Variants in GALNT16 observed in about 807,000 individuals in gnomAD.
GALNT16 encodes UDP-GalNAc:polypeptide N-acetylgalactosaminyltransferase-like protein 1.
In GALNT16, 40 loss-of-function variants were observed where a neutral mutation model predicts 76.1. The ratio of observed to expected loss-of-function variants is 0.53; its 90% CI spans 0.41 to 0.68. The LOEUF (loss-of-function observed/expected upper bound fraction) is 0.68. Ranked by LOEUF, GALNT16 falls within the 30% of genes least tolerant of loss-of-function variation. The probability of loss-of-function intolerance (pLI) is 0.00; values close to 1 mark genes in which losing one functional copy is unlikely to be tolerated. For missense variants in GALNT16, 621 were observed against 731.9 expected (o/e 0.85, Z 1.75); for synonymous variants, 276 against 285.2 (o/e 0.97, Z 0.32).
the GALNT16 span, among the ~76,000 whole-genome samples, chr14:69,372,011 G>A: frequency 6.6e-6 from 1 of 152,108 alleles, no homozygotes; most frequent in African/African-American, 2.4e-5. Flanking sequence ...CTTACCCGAG[G>A]ATTAAGTTAA....
At chr14:69,382,027 G>A in the GALNT16 span, among the ~76,000 whole-genome samples, 1 of 152,210 alleles carries the variant, frequency 6.6e-6, no homozygotes, top group Non-Finnish European at 1.5e-5. Context: ...GCTTTAAAAA[G>A]TGAAGCAAGT....
chr14:69,348,675 T>C (rs1279620422), intron 14 of GALNT16: 1 of 152,574 alleles, frequency 6.6e-6, no homozygotes, highest in Non-Finnish European at 1.5e-5. Context: ...TCACCCACAC[T>C]GTCACCACTA....
chr14:69,362,664 G>A, the GALNT16 span, among the ~76,000 whole-genome samples: 1 of 152,330 alleles, frequency 6.6e-6, no homozygotes, highest in African/African-American at 2.4e-5. Flanking sequence ...TGATGTGGGA[G>A]CAGATCAAAT....
Position 69,333,020 on chromosome 14 carries a change from G to C in GALNT16, c.779-65G>C. 1 of 1,126,024 alleles carries C rather than the reference G, an allele frequency of 8.9e-7. No homozygotes were observed. Among genetic ancestry groups the C allele is most frequent in the Non-Finnish European group, 1.4e-6 (1 of 734,396 alleles). The allele number at this position is 1,126,024 out of a possible 1,614,324, so 69.8% of individuals were successfully genotyped here. A position where few individuals can be genotyped will look rare whatever the true frequency, so the allele number is the denominator to read the frequency against. ...AGGGGAGACTCCGAGGGGTGGTGGA[G>C]TGAAGGGTCTCAGCAGCCCGCAGCT... On this transcript the variant is annotated intron_variant, in intron 7 of 14. Coordinates refer to ENST00000448469, the MANE Select transcript of GALNT16 (RefSeq NM_001168368.2). The surrounding 1 kb of genome is among the most constrained non-coding windows in gnomAD (Gnocchi z 4.2).
intron 1 of GALNT16, among the ~76,000 whole-genome samples, chr14:69,286,809 C>T (rs1171707978): frequency 6.6e-6 from 1 of 152,112 alleles, no homozygotes; most frequent in African/African-American, 2.4e-5. Flanking sequence ...CAGTGGGATC[C>T]AGATGGGTGT....
chr14:69,322,323 C>A (rs1043171762), intron 2 of GALNT16, among the ~76,000 whole-genome samples: 10 of 152,236 alleles, frequency 6.6e-5, no homozygotes, highest in African/African-American at 2.2e-4. Flanking sequence ...CCACATAGCT[C>A]CACTTAGAGA....
Position 69,352,012 on chromosome 14 carries a change from C to G in GALNT16, c.1540-19C>G, listed in dbSNP as rs180910176. On this transcript the variant is annotated intron_variant, in intron 14 of 14. Coordinates refer to ENST00000448469, the MANE Select transcript of GALNT16 (RefSeq NM_001168368.2). ...ATTGTTTTCTCCTTCCTCTTCTAAC[C>G]CATCTCTGTTCCTCCTAGAAATGGA... is the stretch of plus-strand genomic sequence containing the variant. 3.7e-4 allele frequency: 594 copies of G among 1,600,600 alleles called. 1 individual carries two copies. In the African/African-American group the frequency reaches 7.2e-3, roughly 19 times the overall value.
At chr14:69,304,838 C>T (rs535703488) in intron 1 of GALNT16, among the ~76,000 whole-genome samples, 3 of 152,296 alleles carry the variant, frequency 2.0e-5, no homozygotes, top group Admixed American at 6.5e-5. Flanking sequence ...TCATTGTATG[C>T]ATCTACCACA....
chr14:69,267,897 C>G (rs567781520), intron 1 of GALNT16, among the ~76,000 whole-genome samples: 5 of 152,074 alleles, frequency 3.3e-5, no homozygotes, highest in Admixed American at 1.3e-4. Context: ...AGTGAGGTGG[C>G]CTTCAGCCAG....
Position 69,331,475 on chromosome 14 carries a change from C to T in GALNT16, c.702C>T (p.Arg234=), listed in dbSNP as rs750502387. 2.6e-5 allele frequency: 41 copies of T among 1,596,262 alleles called. No homozygotes were observed. The highest frequency in any genetic ancestry group is 1.7e-4 in the Admixed American group (10 of 59,974). ...MLQRVKEDHT[R]VVSPIIDVIS... ...CATCTCTCTCCTAGGACCACACCCG[C>T]GTGGTGAGTCCCATCATTGATGTCA... The change falls in exon 7 of 15, where the codon CGC becomes CGT. Residue 234 remains arginine, a synonymous_variant. Transcript: ENST00000448469.
intron 1 of GALNT16, among the ~76,000 whole-genome samples, chr14:69,284,974 C>G (rs2044591009): frequency 6.6e-6 from 1 of 151,974 alleles, no homozygotes; most frequent in Non-Finnish European, 1.5e-5. Flanking sequence ...TGAGGCCTCC[C>G]CAGCCATGCA....
intron 1 of GALNT16, among the ~76,000 whole-genome samples, chr14:69,285,058 T>TTTGG (rs2044592814): frequency 6.8e-6 from 1 of 148,028 alleles, no homozygotes; most frequent in Non-Finnish European, 1.5e-5. Flanking sequence ...TTTTTTTTTT[T>TTTGG]GAGACGGAGT....
intron 1 of GALNT16, among the ~76,000 whole-genome samples, chr14:69,280,925 C>T (rs185511663): frequency 6.6e-6 from 1 of 152,110 alleles, no homozygotes; most frequent in African/African-American, 2.4e-5. Flanking sequence ...AGGTTACAGC[C>T]CTTAGGGGAG....
At chr14:69,279,472 G>A (rs2044512520) in intron 1 of GALNT16, among the ~76,000 whole-genome samples, 1 of 152,258 alleles carries the variant, frequency 6.6e-6, no homozygotes, top group South Asian at 2.1e-4. Flanking sequence ...CACAGTAAGT[G>A]TGTTCAATAA....
At chr14:69,346,934 G>T in intron 12 of GALNT16, 106 bp from the exon 13 acceptor site, 1 of 1,403,488 alleles carries the variant, frequency 7.1e-7, no homozygotes, top group Non-Finnish European at 1.0e-6. Flanking sequence ...CCCTTCCCAC[G>T]GAGACCTCGG....
chr14:69,379,220 G>A, the GALNT16 span, among the ~76,000 whole-genome samples: 767 of 152,272 alleles, frequency 5.0e-3, 7 homozygotes, highest in African/African-American at 0.017. Flanking sequence ...GATTATAGGC[G>A]TGAGCCACCG....
At chr14:69,360,620 A>C (rs2045718382), downstream of GALNT16, among the ~76,000 whole-genome samples, 1 of 151,776 alleles carries the variant, frequency 6.6e-6, no homozygotes, top group African/African-American at 2.4e-5. Flanking sequence ...AAAAAGAAGA[A>C]GAAGAAGGAG....
chr14:69,296,944 C>T (rs1210708364), intron 1 of GALNT16, among the ~76,000 whole-genome samples: 1 of 152,122 alleles, frequency 6.6e-6, no homozygotes, highest in African/African-American at 2.4e-5. Flanking sequence ...GAAATCTTTC[C>T]ATATCAGAAG....
intron 14 of GALNT16, 146 bp downstream of exon 14, chr14:69,348,148 CT>C: frequency 1.4e-6 from 1 of 716,746 alleles, no homozygotes; most frequent in Admixed American, 2.5e-5. Context: ...AAGTCTACAT[CT>C]AGGTCAAGCC....
Sources: allele counts gnomAD v4.1 joint callset (sites outside exome capture counted in the v4.1 genomes callset), GRCh38; gene constraint gnomAD v4.1.1; non-coding constraint Gnocchi (gnomAD v3.1); transcripts MANE v1.5; gene names NCBI Gene and HGNC (gene_info 2026-07-23, HGNC 2026-07-21).